The following OR14A2 variants were observed in gnomAD, a reference collection of about 807,000 sequenced individuals.
OR14A2 encodes the protein olfactory receptor family 14 subfamily A member 2, also known as olfactory receptor 14A2.
For missense variants in OR14A2, 237 were observed against 152.9 expected, an observed-to-expected ratio of 1.55 and a Z score of -2.90; for synonymous variants, 114 against 58.6, an observed-to-expected ratio of 1.95 and a Z score of -4.32.
At chr1:247,736,729 T>C in the OR14A2 span, among the ~76,000 whole-genome samples, 2 of 152,066 alleles carry the variant, frequency 1.3e-5, no homozygotes, top group African/African-American at 4.8e-5. Flanking sequence ...TTTGCTAGTT[T>C]GGAGGTAGCT....
the OR14A2 span, among the ~76,000 whole-genome samples, chr1:247,735,135 C>T: frequency 6.6e-6 from 1 of 152,170 alleles, no homozygotes; most frequent in East Asian, 1.9e-4. Flanking sequence ...ACTTTCTATA[C>T]AGGCATCTCT....
At chr1:247,733,959 A>G in the OR14A2 span, among the ~76,000 whole-genome samples, 6 of 152,358 alleles carry the variant, frequency 3.9e-5, no homozygotes, top group Admixed American at 3.3e-4. Context: ...AGAAGGTTGC[A>G]TGATAAAAAT....
chr1:247,744,351 A>G, the OR14A2 span, among the ~76,000 whole-genome samples: 1 of 152,188 alleles, frequency 6.6e-6, no homozygotes, highest in Non-Finnish European at 1.5e-5. The surrounding 1 kb of genome is among the most constrained non-coding windows in gnomAD (Gnocchi z 4.3). Context: ...TTGATTAAGG[A>G]AAATAGAAAT....
At chr1:247,727,946 A>C (rs1369232325), upstream of OR14A2, among the ~76,000 whole-genome samples, 1 of 144,272 alleles carries the variant, frequency 6.9e-6, no homozygotes, top group African/African-American at 2.8e-5. Flanking sequence ...TTACCAACCA[A>C]AAAGAGTCCA....
chr1:247,746,073 G>T, the OR14A2 span: 2 of 152,210 alleles, frequency 1.3e-5, no homozygotes, highest in Admixed American at 6.5e-5. Context: ...TTGTGTACAT[G>T]ATCATCTCTG....
At chr1:247,737,167 A>G in the OR14A2 span, among the ~76,000 whole-genome samples, 3 of 152,068 alleles carry the variant, frequency 2.0e-5, no homozygotes, top group Non-Finnish European at 4.4e-5. Context: ...GACATATTCT[A>G]TGAAGGTTAG....
chr1:247,735,738 T>C, the OR14A2 span, among the ~76,000 whole-genome samples: 1 of 152,048 alleles, frequency 6.6e-6, no homozygotes, highest in East Asian at 1.9e-4. Context: ...TACTGATACG[T>C]AGAGGACAGA....
the OR14A2 span, among the ~76,000 whole-genome samples, chr1:247,737,939 T>C: frequency 6.6e-6 from 1 of 152,182 alleles, no homozygotes; most frequent in Middle Eastern, 3.2e-3. Context: ...CAGGTTTTTG[T>C]TCTTTTCATG....
exon 1 of OR14A2, chr1:247,723,773 A>G (rs1367963813): frequency 2.8e-6 from 2 of 718,168 alleles, no homozygotes; most frequent in Non-Finnish European, 5.2e-6. Flanking sequence ...CCTAGAATGG[A>G]AATGGAATTG....
chr1:247,728,764 A>C (rs1414375133), upstream of OR14A2, among the ~76,000 whole-genome samples: 1 of 152,198 alleles, frequency 6.6e-6, no homozygotes. Flanking sequence ...AAATAATTCC[A>C]ATTTTTCAAC....
chr1:247,739,733 C>CT, the OR14A2 span, among the ~76,000 whole-genome samples: 70 of 143,712 alleles, frequency 4.9e-4, no homozygotes, highest in Middle Eastern at 7.0e-3. Flanking sequence ...AATTTTTGCA[C>CT]TTTTTTTTTT....
upstream of OR14A2, among the ~76,000 whole-genome samples, chr1:247,725,015 T>A (rs1660302817): frequency 6.6e-6 from 1 of 151,900 alleles, no homozygotes; most frequent in South Asian, 2.1e-4. Context: ...TGGTAGAGAT[T>A]TAAAAAATAA....
At chr1:247,733,652 G>C in the OR14A2 span, among the ~76,000 whole-genome samples, 173 of 152,056 alleles carry the variant, frequency 1.1e-3, no homozygotes, top group Non-Finnish European at 2.0e-3. Flanking sequence ...TAAGTTATCT[G>C]CTAACTCAAA....
chr1:247,732,948 T>C, the OR14A2 span, among the ~76,000 whole-genome samples: 4 of 152,276 alleles, frequency 2.6e-5, no homozygotes, highest in South Asian at 4.1e-4. Flanking sequence ...GCTCTGGGCA[T>C]GCTATGGTTA....
the OR14A2 span, among the ~76,000 whole-genome samples, chr1:247,746,031 C>A: frequency 6.6e-6 from 1 of 152,158 alleles, no homozygotes; most frequent in Non-Finnish European, 1.5e-5. Context: ...ATGGGCACAG[C>A]CGTTCATGGT....
the OR14A2 span, among the ~76,000 whole-genome samples, chr1:247,745,698 G>C: frequency 9.2e-5 from 14 of 152,008 alleles, no homozygotes; most frequent in Non-Finnish European, 1.9e-4. Context: ...ATAGGGAAAA[G>C]TTATAAAAAG....
At chr1:247,739,060 A>T in the OR14A2 span, 2 of 780,722 alleles carry the variant, frequency 2.6e-6, no homozygotes, top group Non-Finnish European at 4.8e-6. Flanking sequence ...TCCTGGCTCA[A>T]CAGAGGGGCC....
the OR14A2 span, among the ~76,000 whole-genome samples, chr1:247,741,127 T>A: frequency 2.0e-5 from 3 of 152,196 alleles, no homozygotes; most frequent in East Asian, 5.8e-4. Context: ...TAATTACATA[T>A]TTCTCTGTCT....
chr1:247,725,704 C>A (rs1445072846), upstream of OR14A2, among the ~76,000 whole-genome samples: 2 of 120,846 alleles, frequency 1.7e-5, no homozygotes, highest in East Asian at 5.0e-4. Context: ...ACCACAGTCC[C>A]CAGAGTGTGA....
Sources: gnomAD v4.1 joint callset for allele counts (sites outside exome capture counted in the v4.1 genomes callset) on GRCh38, gnomAD v4.1.1 for gene constraint, Gnocchi (gnomAD v3.1) non-coding constraint, MANE v1.5 for transcripts, NCBI Gene and HGNC (gene_info 2026-07-23, HGNC 2026-07-21) for gene names.